The following SV2C variants were observed in gnomAD, a reference collection of about 807,000 sequenced individuals.
SV2C encodes the protein solute carrier family 22 member B3.
In SV2C, 49 loss-of-function variants were observed where a neutral mutation model predicts 79.7. The observed-to-expected ratio is 0.61, with a 90% CI of 0.49 to 0.78. The LOEUF is 0.78. SV2C is among the 30% of genes least tolerant of loss of function. The probability of loss-of-function intolerance (pLI) is 0.00; values close to 1 mark genes in which losing one functional copy is unlikely to be tolerated. For synonymous variants in SV2C, 334 were observed against 333.2 expected, an observed-to-expected ratio of 1.00 and a Z score of -0.03; for missense variants, 833 against 912.9, an observed-to-expected ratio of 0.91 and a Z score of 1.13.
Position 76,341,137 on chromosome 5 carries a change from G to A in SV2C, c.2001-11993G>A, listed in dbSNP as rs140320813. Reference sequence around the variant, plus strand: ...GTACAGACGGGTTTTCACCATGTTGGCCAGGCTTGTCTCAAACTCCTGACC... The same window carrying A: ...GTACAGACGGGTTTTCACCATGTTGACCAGGCTTGTCTCAAACTCCTGACC... On this transcript the variant is annotated intron_variant, in intron 12 of 12. Transcript: ENST00000322285. Among the ~76,000 whole-genome samples, 62 of 152,030 alleles carry A rather than the reference G, an allele frequency of 4.1e-4. 1 individual carries two copies. In the East Asian group the frequency reaches 0.012, roughly 29 times the overall value.
intron 3 of SV2C, among the ~76,000 whole-genome samples, chr5:76,206,154 ATT>A (rs1234535575): frequency 1.3e-5 from 2 of 152,198 alleles, no homozygotes; most frequent in African/African-American, 4.8e-5. Flanking sequence ...CTTCTTTTTA[ATT>A]TATAAGATTT....
chr5:76,132,462 C>T (rs1261846643), intron 2 of SV2C, 132 bp downstream of exon 2: 1 of 891,712 alleles, frequency 1.1e-6, no homozygotes, highest in Admixed American at 3.3e-5. Flanking sequence ...TTACAAAAAA[C>T]TTTAAGCATA....
chr5:76,252,854 T>C (rs973021482), intron 4 of SV2C, among the ~76,000 whole-genome samples: 2 of 152,242 alleles, frequency 1.3e-5, no homozygotes, highest in Admixed American at 6.5e-5. Context: ...CTCTGTCTCA[T>C]TCTATCAACA....
the SV2C span, among the ~76,000 whole-genome samples, chr5:76,001,852 G>C: frequency 6.6e-6 from 1 of 152,028 alleles, no homozygotes; most frequent in African/African-American, 2.4e-5. Context: ...TCAGTTGCAT[G>C]GATGAGGTCT....
chr5:76,044,281 G>A, the SV2C span, among the ~76,000 whole-genome samples: 4 of 152,254 alleles, frequency 2.6e-5, no homozygotes, highest in South Asian at 8.3e-4. Flanking sequence ...TGGTGTATAT[G>A]TACCACGTTT....
chr5:76,236,098 C>T (rs550566017), intron 4 of SV2C, among the ~76,000 whole-genome samples: 1 of 152,256 alleles, frequency 6.6e-6, no homozygotes, highest in South Asian at 2.1e-4. Context: ...GCACATGCTC[C>T]ACACACCATG....
At chr5:76,285,094 C>G in intron 4 of SV2C, 68 bp from the exon 5 acceptor site, 1 of 1,590,746 alleles carries the variant, frequency 6.3e-7, no homozygotes, top group Non-Finnish European at 8.6e-7. Flanking sequence ...TTCGGGCATC[C>G]CGGGTGATGT....
chr5:75,899,368 G>A, the SV2C span, among the ~76,000 whole-genome samples: 3 of 152,156 alleles, frequency 2.0e-5, no homozygotes, highest in African/African-American at 7.2e-5. Flanking sequence ...TTTCCATGTA[G>A]TTGAGTGGTT....
At chr5:75,898,426 T>C in the SV2C span, among the ~76,000 whole-genome samples, 2 of 152,202 alleles carry the variant, frequency 1.3e-5, no homozygotes, top group Non-Finnish European at 2.9e-5. Context: ...GCCCACTTGA[T>C]CATGGTGGAT....
At chr5:76,317,444 C>A (rs1233936210) in intron 12 of SV2C, among the ~76,000 whole-genome samples, 1 of 149,996 alleles carries the variant, frequency 6.7e-6, no homozygotes, top group Non-Finnish European at 1.5e-5. Flanking sequence ...CCCCCCCCAA[C>A]ACACACACAC....
chr5:75,893,762 GA>G, the SV2C span, among the ~76,000 whole-genome samples: 1 of 151,848 alleles, frequency 6.6e-6, no homozygotes, highest in Non-Finnish European at 1.5e-5. Flanking sequence ...TGAAATTATA[GA>G]AAAAAACCAT....
chr5:75,976,687 A>G, the SV2C span, among the ~76,000 whole-genome samples: 3 of 152,206 alleles, frequency 2.0e-5, no homozygotes, highest in African/African-American at 7.2e-5. Flanking sequence ...ATTTCTCAAT[A>G]TTTGAGTTAA....
intron 1 of SV2C, among the ~76,000 whole-genome samples, chr5:76,110,845 TG>T: frequency 6.6e-6 from 1 of 152,200 alleles, no homozygotes. Flanking sequence ...ACATGAGTGT[TG>T]GGAGTTCCCC....
intron 2 of SV2C, among the ~76,000 whole-genome samples, chr5:76,159,813 T>A (rs1231405614): frequency 6.6e-6 from 1 of 152,084 alleles, no homozygotes; most frequent in African/African-American, 2.4e-5. Context: ...CATTCTGAGG[T>A]AGTGGGAGTT....
intron 4 of SV2C, among the ~76,000 whole-genome samples, chr5:76,282,641 G>T (rs115805223): frequency 0.016 from 2,482 of 152,270 alleles, 51 homozygotes; most frequent in Middle Eastern, 0.082. Flanking sequence ...CTGGGACTTG[G>T]TGACCATTGT....
At chr5:76,008,419 G>A in the SV2C span, among the ~76,000 whole-genome samples, 2 of 152,192 alleles carry the variant, frequency 1.3e-5, no homozygotes, top group African/African-American at 4.8e-5. Flanking sequence ...ACACATTCCA[G>A]GAAGGGTACA....
intron 4 of SV2C, among the ~76,000 whole-genome samples, chr5:76,242,796 C>T (rs1168057183): frequency 6.6e-6 from 1 of 151,604 alleles, no homozygotes; most frequent in Non-Finnish European, 1.5e-5. Flanking sequence ...ACTTTAGGAG[C>T]CTGAGGTGGG....
chr5:76,293,435 C>T (rs1334846268), intron 8 of SV2C, among the ~76,000 whole-genome samples: 1 of 152,148 alleles, frequency 6.6e-6, no homozygotes, highest in Non-Finnish European at 1.5e-5. Context: ...CCTGGAACCT[C>T]AATAGTGCCT....
chr5:76,288,275 C>T (rs1747421019), intron 6 of SV2C, among the ~76,000 whole-genome samples: 1 of 152,058 alleles, frequency 6.6e-6, no homozygotes. Context: ...TTATTAATTT[C>T]ATTTTATTTA....
Sources: gnomAD v4.1 joint callset for allele counts (sites outside exome capture counted in the v4.1 genomes callset) on GRCh38, gnomAD v4.1.1 for gene constraint, MANE v1.5 for transcripts, NCBI Gene and HGNC (gene_info 2026-07-23, HGNC 2026-07-21) for gene names.